PRKD1: variants seen among roughly 807,000 people sequenced by gnomAD.
The protein encoded by PRKD1 is serine/threonine-protein kinase D1.
A neutral mutation model predicts 95.9 loss-of-function variants in PRKD1; 63 were observed. The ratio of observed to expected loss-of-function variants is 0.66; its 90% CI spans 0.54 to 0.81. The LOEUF (loss-of-function observed/expected upper bound fraction) is 0.81, where lower values mean the gene tolerates loss of function less well. PRKD1 is among the 30% of genes least tolerant of loss of function. PRKD1 has a pLI of 0.00. For synonymous variants in PRKD1, 425 were observed against 423.1 expected (o/e 1.00, Z -0.05); for missense variants, 1,048 against 1,165.3 (o/e 0.90, Z 1.47).
At chr14:29,615,366 T>C (rs951271881) in intron 13 of PRKD1, among the ~76,000 whole-genome samples, 2 of 152,160 alleles carry the variant, frequency 1.3e-5, no homozygotes, top group South Asian at 2.1e-4. Context: ...CACAAGGAGG[T>C]ACAAAGCTTC....
At chr14:29,739,423 C>T (rs984353909) in intron 1 of PRKD1, among the ~76,000 whole-genome samples, 4 of 152,126 alleles carry the variant, frequency 2.6e-5, no homozygotes, top group Non-Finnish European at 5.9e-5. Flanking sequence ...GTTTAAAAAA[C>T]GGTTTTCCTT....
intron 3 of PRKD1, among the ~76,000 whole-genome samples, chr14:29,664,085 A>G (rs1882345673): frequency 1.3e-5 from 2 of 152,166 alleles, no homozygotes; most frequent in Non-Finnish European, 2.9e-5. Flanking sequence ...GCTAGGTATC[A>G]TTTTTAAAAA....
chr14:29,679,945 TA>T (rs1883444523), intron 2 of PRKD1, among the ~76,000 whole-genome samples: 1 of 151,994 alleles, frequency 6.6e-6, no homozygotes, highest in African/African-American at 2.4e-5. Flanking sequence ...TAGAATTTCT[TA>T]GGTAGAAACA....
chr14:29,592,090 T>C (rs979481233), intron 16 of PRKD1, among the ~76,000 whole-genome samples: 6 of 150,562 alleles, frequency 4.0e-5, no homozygotes, highest in African/African-American at 1.5e-4. Flanking sequence ...GGTAACAGAA[T>C]GAATGTGTTG....
chr14:29,805,108 A>G (rs1890182810), intron 1 of PRKD1, among the ~76,000 whole-genome samples: 1 of 152,184 alleles, frequency 6.6e-6, no homozygotes, highest in Non-Finnish European at 1.5e-5. Context: ...TAGACTATAG[A>G]TTATCATACA....
chr14:29,662,179 T>C (rs1005768746), intron 4 of PRKD1, among the ~76,000 whole-genome samples: 62 of 152,276 alleles, frequency 4.1e-4, no homozygotes, highest in African/African-American at 1.3e-3. Context: ...TATATACATA[T>C]ATGCATAATT....
intron 1 of PRKD1, among the ~76,000 whole-genome samples, chr14:29,808,722 A>G (rs1890354781): frequency 6.6e-6 from 1 of 151,974 alleles, no homozygotes; most frequent in African/African-American, 2.4e-5. Context: ...AGTTCTCTTG[A>G]TAGTTTAACC....
chr14:29,622,669 C>A (rs1879356000), intron 13 of PRKD1, among the ~76,000 whole-genome samples: 1 of 152,110 alleles, frequency 6.6e-6, no homozygotes, highest in African/African-American at 2.4e-5. Context: ...TACCAAAATG[C>A]TAGGATTACA....
chr14:29,751,301 G>A (rs1016560735), intron 1 of PRKD1: 3 of 152,170 alleles, frequency 2.0e-5, no homozygotes, highest in Admixed American at 6.5e-5. Context: ...CCAAAGTAGG[G>A]GAGGCCATGT....
intron 4 of PRKD1, among the ~76,000 whole-genome samples, chr14:29,644,572 C>G (rs1271392402): frequency 6.6e-6 from 1 of 150,862 alleles, no homozygotes; most frequent in Non-Finnish European, 1.5e-5. Context: ...ATAACTTGAT[C>G]TAGATGTCAG....
intron 1 of PRKD1, among the ~76,000 whole-genome samples, chr14:29,830,470 C>G (rs1891358694): frequency 6.6e-6 from 1 of 152,056 alleles, no homozygotes; most frequent in South Asian, 2.1e-4. Flanking sequence ...GTCAGGTCTA[C>G]CCAGGATGTA....
At chr14:29,667,044 T>C (rs1319105193) in intron 2 of PRKD1, among the ~76,000 whole-genome samples, 2 of 152,148 alleles carry the variant, frequency 1.3e-5, no homozygotes, top group African/African-American at 2.4e-5. Context: ...AATCAAGAAA[T>C]AGAAAGGTAT....
chr14:29,898,372 T>C (rs1894204898), intron 1 of PRKD1, among the ~76,000 whole-genome samples: 1 of 152,086 alleles, frequency 6.6e-6, no homozygotes, highest in African/African-American at 2.4e-5. Context: ...AAGAAAGCAG[T>C]CAGTAGAATG....
At chr14:29,791,772 A>G (rs991519185) in intron 1 of PRKD1, among the ~76,000 whole-genome samples, 1 of 152,158 alleles carries the variant, frequency 6.6e-6, no homozygotes, top group Non-Finnish European at 1.5e-5. Context: ...TAAAGCTATT[A>G]TAGACATTTG....
At chr14:29,699,076 C>T (rs906578930) in intron 2 of PRKD1, among the ~76,000 whole-genome samples, 9 of 152,166 alleles carry the variant, frequency 5.9e-5, no homozygotes, top group African/African-American at 2.2e-4. Flanking sequence ...AATGACATAT[C>T]AAAATTTGGT....
intron 1 of PRKD1, among the ~76,000 whole-genome samples, chr14:29,857,973 G>A (rs1425227781): frequency 2.0e-5 from 3 of 152,120 alleles, no homozygotes; most frequent in Non-Finnish European, 4.4e-5. Flanking sequence ...TTTTTAACAT[G>A]GGTTCAAGGA....
intron 2 of PRKD1, among the ~76,000 whole-genome samples, chr14:29,692,303 A>T (rs781672568): frequency 5.3e-5 from 8 of 151,926 alleles, no homozygotes; most frequent in Non-Finnish European, 1.0e-4. Context: ...CTGTTGGATG[A>T]TTCCATTCCT....
At chr14:29,785,785 C>T (rs1253163746) in intron 1 of PRKD1, among the ~76,000 whole-genome samples, 1 of 150,348 alleles carries the variant, frequency 6.7e-6, no homozygotes, top group Middle Eastern at 3.4e-3. Flanking sequence ...AACTAACCTT[C>T]ACATTGTGCA....
At position 29,626,517 on chromosome 14, in the gene PRKD1, G is replaced by C; in HGVS notation, c.1765C>G (p.Leu589Val). 2 of 1,611,732 alleles carry C rather than the reference G, an allele frequency of 1.2e-6. No homozygotes were observed. Among genetic ancestry groups the C allele is most frequent in the Non-Finnish European group, 1.7e-6 (2 of 1,179,048 alleles). The part of the protein sequence containing the change: ...TVYQIFPDEV[L>V]GSGQFGIVYG... ...ACAATTCCAAACTGTCCAGAACCCA[G>C]TACTTCATCAGGAAAAATCTGATAT... is the stretch of plus-strand genomic sequence containing the variant. Residue 589 changes from leucine to valine, a missense_variant, in exon 12 of 18, where the codon CTG becomes GTG. Transcript: ENST00000331968.
Sources: gnomAD v4.1 joint callset for allele counts (sites outside exome capture counted in the v4.1 genomes callset) on GRCh38, gnomAD v4.1.1 for gene constraint, MANE v1.5 for transcripts, NCBI Gene and HGNC (gene_info 2026-07-23, HGNC 2026-07-21) for gene names.